The following ADD3 variants were observed in gnomAD, a reference collection of about 807,000 sequenced individuals.
ADD3 encodes gamma-adducin.
In ADD3, 25 loss-of-function variants were observed where a neutral mutation model predicts 80.2. The ratio of observed to expected loss-of-function variants is 0.31; its 90% CI spans 0.23 to 0.44. The LOEUF (loss-of-function observed/expected upper bound fraction) is 0.44. ADD3 is among the 20% of genes least tolerant of loss of function. ADD3 has a pLI of 1.00. For synonymous variants in ADD3, 284 were observed against 289.6 expected (o/e 0.98, Z 0.20); for missense variants, 829 against 847.5 (o/e 0.98, Z 0.27).
chr10:110,008,917 G>T (rs73349421), intron 1 of ADD3, among the ~76,000 whole-genome samples: 11,902 of 152,146 alleles, frequency 0.078, 1,508 homozygotes, highest in African/African-American at 0.27. Context: ...CCTGCTAGGG[G>T]TGACAAGCGA....
intron 1 of ADD3, among the ~76,000 whole-genome samples, chr10:110,035,877 C>A (rs905471346): frequency 6.6e-6 from 1 of 152,096 alleles, no homozygotes; most frequent in African/African-American, 2.4e-5. Context: ...ATCTGCCAGG[C>A]GCGGTGGCTC....
At position 110,118,547 on chromosome 10, in the gene ADD3, C is replaced by T. The variant is rs747357170; in HGVS notation, c.568-40C>T. 5.1e-6 allele frequency: 8 copies of T among 1,556,192 alleles called. No homozygotes were observed. In the Middle Eastern group the frequency reaches 5.0e-4, roughly 98 times the overall value. On this transcript the variant is annotated intron_variant, in intron 5 of 14. Transcript: ENST00000356080. ...AGCTTGTGAAACACAAACTTTGATA[C>T]GTATATACCAGTTAAATATGTCCTT...
At chr10:110,043,417 A>G (rs923655775) in intron 1 of ADD3, among the ~76,000 whole-genome samples, 1 of 152,076 alleles carries the variant, frequency 6.6e-6, no homozygotes, top group Non-Finnish European at 1.5e-5. Context: ...GTTTCTAGAT[A>G]TTTCACTCAC....
intron 1 of ADD3, among the ~76,000 whole-genome samples, chr10:110,030,448 G>A (rs1854875171): frequency 6.6e-6 from 1 of 151,508 alleles, no homozygotes; most frequent in Non-Finnish European, 1.5e-5. Flanking sequence ...CTGACTGTGA[G>A]CTTTTAATAT....
intron 1 of ADD3, among the ~76,000 whole-genome samples, chr10:110,027,206 G>T (rs139109033): frequency 6.6e-6 from 1 of 152,078 alleles, no homozygotes; most frequent in East Asian, 1.9e-4. Context: ...AATAATGTGG[G>T]TTCCTCCCAA....
intron 1 of ADD3, among the ~76,000 whole-genome samples, chr10:110,044,441 T>C (rs780549701): frequency 2.0e-5 from 3 of 152,214 alleles, no homozygotes; most frequent in Non-Finnish European, 2.9e-5. Flanking sequence ...TTTTGAGAGA[T>C]GAATCAACTA....
At chr10:110,043,025 C>G (rs535211919) in intron 1 of ADD3, among the ~76,000 whole-genome samples, 1 of 152,048 alleles carries the variant, frequency 6.6e-6, no homozygotes, top group South Asian at 2.1e-4. Context: ...CATGCACTGG[C>G]CTAGTAATGA....
At chr10:110,028,828 A>G (rs1205447467) in intron 1 of ADD3, among the ~76,000 whole-genome samples, 1 of 151,746 alleles carries the variant, frequency 6.6e-6, no homozygotes, top group East Asian at 1.9e-4. Context: ...TTAAGAGAAA[A>G]ATCACAATTA....
intron 1 of ADD3, among the ~76,000 whole-genome samples, chr10:110,027,752 C>G (rs1564858077): frequency 6.6e-6 from 1 of 152,114 alleles, no homozygotes; most frequent in Admixed American, 6.5e-5. Context: ...TATGCTCCCT[C>G]TATAATTGAA....
rs1052190645 is a variant in ADD3, at chr10:110,131,947, A to G, written c.1733-358A>G. 3.9e-5 allele frequency among the ~76,000 whole-genome samples: 6 copies of G among 152,356 alleles called. No individual in the cohort carries two copies. The East Asian group carries it at 1.2e-3, about 29-fold the overall frequency. ...TTCTGTGAAGCATTCTGCCTCATTA[A>G]TGTAGCATCATTGGTGAGGCTTTAT... On this transcript the variant is annotated intron_variant, in intron 13 of 14. Coordinates refer to ENST00000356080, the MANE Select transcript of ADD3 (RefSeq NM_016824.5).
At chr10:110,001,762 T>TA (rs1448373695), upstream of ADD3, among the ~76,000 whole-genome samples, 14 of 152,294 alleles carry the variant, frequency 9.2e-5, no homozygotes, top group African/African-American at 2.6e-4. Flanking sequence ...TGAATTAGTA[T>TA]TTTAGGAAAC....
chr10:110,124,070 G>A lies in ADD3; in HGVS notation c.1197G>A (p.Arg399=), dbSNP rs1314666729. 6 of 1,614,112 alleles carry A rather than the reference G, an allele frequency of 3.7e-6. No homozygotes were observed. The change falls in exon 10 of 15, where the codon AGG becomes AGA. Residue 399 remains arginine, a synonymous_variant. Transcript: ENST00000356080. Reference sequence around the variant, plus strand: ...ATCCTCTCATTCGAGAGAAGCCTAGGCACAAGAGTGATGTGGAAATCCCAG... The same window carrying A: ...ATCCTCTCATTCGAGAGAAGCCTAGACACAAGAGTGATGTGGAAATCCCAG... The part of the protein sequence containing the change: ...YRHPLIREKP[R]HKSDVEIPAT...
intron 3 of ADD3, among the ~76,000 whole-genome samples, chr10:110,113,768 A>C (rs985717082): frequency 6.6e-6 from 1 of 152,252 alleles, no homozygotes; most frequent in African/African-American, 2.4e-5. Flanking sequence ...ATTAACAAAA[A>C]TAGAATAGTT....
intron 1 of ADD3, among the ~76,000 whole-genome samples, chr10:110,021,357 C>T (rs11194952): frequency 0.12 from 18,919 of 152,142 alleles, 3,761 homozygotes; most frequent in African/African-American, 0.42. Context: ...TCCAGCACTT[C>T]TCATAGGTAT....
rs554137450 is a variant in ADD3, at chr10:110,038,029, A to C, written c.-30+29730A>C. On this transcript the variant is annotated intron_variant, in intron 1 of 14. Transcript: ENST00000356080. ...GGTTGTGGTGAGCCGAAATGGTGCCATTGCACTCCAGCCTGGGCAACAAGA... is the reference window on the plus strand; with the variant it reads ...GGTTGTGGTGAGCCGAAATGGTGCCCTTGCACTCCAGCCTGGGCAACAAGA... Among the ~76,000 whole-genome samples, 6 of 143,228 alleles carry C rather than the reference A, an allele frequency of 4.2e-5. No individual in the cohort carries two copies. In the East Asian group the frequency reaches 6.4e-4, roughly 15 times the overall value. The allele number at this position is 143,228 out of a possible 152,430, so 94.0% of individuals were successfully genotyped here. A position where few individuals can be genotyped will look rare whatever the true frequency, so the allele number is the denominator to read the frequency against.
intron 1 of ADD3, among the ~76,000 whole-genome samples, chr10:110,039,326 G>C (rs941733515): frequency 7.9e-5 from 12 of 151,828 alleles, no homozygotes; most frequent in African/African-American, 2.9e-4. Context: ...AGAAGAGCTT[G>C]AATTGGTGAA....
At chr10:110,109,156 T>C (rs1849705138) in intron 2 of ADD3, among the ~76,000 whole-genome samples, 1 of 152,188 alleles carries the variant, frequency 6.6e-6, no homozygotes, top group Non-Finnish European at 1.5e-5. Context: ...TTCTTTAACT[T>C]TCTCATCCCA....
intron 1 of ADD3, among the ~76,000 whole-genome samples, chr10:110,057,041 T>C (rs984895648): frequency 1.3e-5 from 2 of 152,186 alleles, no homozygotes. Flanking sequence ...TTCTTAACAG[T>C]TTCCAATTAT....
At chr10:110,083,493 G>A (rs1030954863) in intron 1 of ADD3, among the ~76,000 whole-genome samples, 12 of 151,764 alleles carry the variant, frequency 7.9e-5, no homozygotes, top group Non-Finnish European at 1.2e-4. Flanking sequence ...TCCAGCCTGG[G>A]TGACAGAGCA....
Sources: gnomAD v4.1 joint callset for allele counts (sites outside exome capture counted in the v4.1 genomes callset) on GRCh38, gnomAD v4.1.1 for gene constraint, MANE v1.5 for transcripts, NCBI Gene and HGNC (gene_info 2026-07-23, HGNC 2026-07-21) for gene names.